CCDC80: variants seen among roughly 807,000 people sequenced by gnomAD.
CCDC80 encodes coiled-coil domain containing 80.
CCDC80 carries 49 observed loss-of-function variants against 78.7 expected under a neutral mutation model. The observed-to-expected ratio is 0.62, with a 90% confidence interval of 0.50 to 0.79. The LOEUF is 0.79. CCDC80 is among the 30% of genes least tolerant of loss of function. The pLI is 0.00. For missense variants in CCDC80, 1,205 were observed against 1,198.6 expected, an observed-to-expected ratio of 1.01 and a Z score of -0.08; for synonymous variants, 488 against 447.0, an observed-to-expected ratio of 1.09 and a Z score of -1.16.
intron 5 of CCDC80, among the ~76,000 whole-genome samples, chr3:112,615,688 C>T (rs1325601901): frequency 6.6e-6 from 1 of 152,098 alleles, no homozygotes; most frequent in Admixed American, 6.6e-5. Context: ...GTCATAAAGA[C>T]CTTGCTGATA....
At position 112,638,839 on chromosome 3, in the gene CCDC80, G is replaced by A; in HGVS notation, c.1067C>T (p.Ala356Val). The change falls in exon 2 of 8, where the codon GCC becomes GTC. Residue 356 changes from alanine to valine, a missense_variant. Coordinates refer to ENST00000206423, the MANE Select transcript of CCDC80 (RefSeq NM_199511.3). The stretch of plus-strand genomic sequence containing the variant: ...GGACCGAGTCACTGTTGTGGCTGGG[G>A]CAGGAGGAAGGGTGGTGGCTCTGGG... ...STPRATTLPP[A>V]PATTVTRSTS... The A allele has an allele frequency of 6.2e-7, 1 of 1,613,822 alleles. No homozygotes were observed. The highest frequency in any genetic ancestry group is 8.5e-7 in the Non-Finnish European group (1 of 1,180,016).
intron 2 of CCDC80, among the ~76,000 whole-genome samples, chr3:112,632,499 T>C (rs889968688): frequency 6.6e-6 from 1 of 152,188 alleles, no homozygotes; most frequent in Non-Finnish European, 1.5e-5. Context: ...ATTCATACCA[T>C]ACTTTGCCAT....
chr3:112,612,102 G>T (rs937843150), intron 5 of CCDC80, among the ~76,000 whole-genome samples: 4 of 150,304 alleles, frequency 2.7e-5, no homozygotes, highest in African/African-American at 9.8e-5. Context: ...TGAGGACAGG[G>T]AGCTGAATGT....
chr3:112,638,639 G>C lies in CCDC80; in HGVS notation c.1267C>G (p.His423Asp). ...CTGGTTGTCTGTGGCCTCTCCCTGT[G>C]CTGATCCTTCCGGGATGGAGGGTAA... ...NLYPPSRKDQ[H>D]RERPQTTRRP... is the part of the protein sequence containing the mutation. The change falls in exon 2 of 8, where the codon CAC (histidine) becomes GAC (aspartate). Residue 423 changes from histidine (H) to aspartate (D), a missense_variant. By Grantham distance (81) the His-to-Asp change is moderately conservative. Transcript: ENST00000206423. 1 of 1,614,042 alleles carries C rather than the reference G, an allele frequency of 6.2e-7. No homozygotes were observed. Among genetic ancestry groups the C allele is most frequent in the Non-Finnish European group, 8.5e-7 (1 of 1,180,016 alleles).
At chr3:112,609,268 A>G (rs933695517) in intron 6 of CCDC80, among the ~76,000 whole-genome samples, 1 of 152,180 alleles carries the variant, frequency 6.6e-6, no homozygotes, top group African/African-American at 2.4e-5. Context: ...CCATATCCAA[A>G]ATGACATTAG....
chr3:112,610,445 T>G (rs1470145448), intron 5 of CCDC80, among the ~76,000 whole-genome samples: 1 of 152,220 alleles, frequency 6.6e-6, no homozygotes, highest in African/African-American at 2.4e-5. Context: ...AGAGGACAAC[T>G]GAAGAGAACT....
At chr3:112,615,722 A>G (rs983746620) in intron 5 of CCDC80, among the ~76,000 whole-genome samples, 7 of 152,176 alleles carry the variant, frequency 4.6e-5, no homozygotes, top group South Asian at 2.1e-4. Context: ...TAAAGGGGCC[A>G]GCCAAAATCC....
chr3:112,617,249 T>C (rs912764578), intron 4 of CCDC80, among the ~76,000 whole-genome samples: 10 of 152,218 alleles, frequency 6.6e-5, no homozygotes, highest in Non-Finnish European at 1.2e-4. Context: ...CATGTTCAAG[T>C]GTGTAACCTG....
chr3:112,616,392 T>G (rs1157995327), intron 5 of CCDC80, among the ~76,000 whole-genome samples: 1 of 150,116 alleles, frequency 6.7e-6, no homozygotes, highest in Admixed American at 6.7e-5. Context: ...TAAATTAACT[T>G]TCTTGGGAGG....
chr3:112,638,708 T>G lies in CCDC80; in HGVS notation c.1198A>C (p.Thr400Pro). Residue 400 changes from threonine (T) to proline (P), a missense_variant, in exon 2 of 8, where the codon ACT (threonine) becomes CCT (proline). Transcript: ENST00000206423. ...PSPSHRPPTT[T>P]EVITARRPSV... ...GGTCTCCTGGCAGTGATCACCTCAGTGGTTGTAGGGGGCCTGTGGGAGGGT... is the reference window on the plus strand; with the variant it reads ...GGTCTCCTGGCAGTGATCACCTCAGGGGTTGTAGGGGGCCTGTGGGAGGGT... 1 of 1,613,620 alleles carries G rather than the reference T, an allele frequency of 6.2e-7. No individual in the cohort carries two copies. The highest frequency in any genetic ancestry group is 8.5e-7 in the Non-Finnish European group (1 of 1,179,884).
rs1935347728 is a variant in CCDC80 at position 112,600,055 on chromosome 3, T to C, written c.*5362A>G. The C allele has an allele frequency of 6.6e-6, 1 of 152,228 alleles. No individual in the cohort carries two copies. Among genetic ancestry groups the C allele is most frequent in the Non-Finnish European group, 1.5e-5 (1 of 68,050 alleles). 9.4% of individuals were successfully genotyped at this position (152,228 alleles called of 1,614,324 possible). ...GTAAGAAACGTTTGGGAAGAAATGC[T>C]TTTATGGAGAAACTACTCAGATTTG... On this transcript the variant is annotated 3_prime_UTR_variant, in exon 8 of 8. Coordinates refer to ENST00000206423, the MANE Select transcript of CCDC80 (RefSeq NM_199511.3).
Position 112,638,967 on chromosome 3 carries a change from C to T in CCDC80, c.939G>A (p.Glu313=), listed in dbSNP as rs745514082. 12 of 1,612,610 alleles carry T rather than the reference C, an allele frequency of 7.4e-6. No individual in the cohort carries two copies. The highest frequency in any genetic ancestry group is 9.3e-6 in the Non-Finnish European group (11 of 1,180,014). ...GTGGGACTTGTGCTCTCCTTGGGTCCTCTTTCTTCTTCTCGCTGCCCAGGC... is the reference window on the plus strand; with the variant it reads ...GTGGGACTTGTGCTCTCCTTGGGTCTTCTTTCTTCTTCTCGCTGCCCAGGC... ...RPSLGSEKKK[E]DPRRAQVPPT... The change falls in exon 2 of 8, where the codon GAG becomes GAA. Residue 313 remains glutamate (E), a synonymous_variant. Coordinates refer to ENST00000206423, the MANE Select transcript of CCDC80 (RefSeq NM_199511.3).
chr3:112,610,815 G>C (rs1935607111), intron 5 of CCDC80, among the ~76,000 whole-genome samples: 1 of 152,016 alleles, frequency 6.6e-6, no homozygotes, highest in Non-Finnish European at 1.5e-5. Context: ...CAACACAGTA[G>C]AGTAGCAGAA....
intron 2 of CCDC80, 104 bp from the exon 3 acceptor site, chr3:112,630,373 A>T (rs1469939131): frequency 2.8e-6 from 3 of 1,086,294 alleles, no homozygotes; most frequent in Non-Finnish European, 4.1e-6. Context: ...TAGTGACTGC[A>T]TCTAAGCTAC....
chr3:112,613,443 G>GT (rs1019191679), intron 5 of CCDC80, among the ~76,000 whole-genome samples: 1 of 152,060 alleles, frequency 6.6e-6, no homozygotes, highest in African/African-American at 2.4e-5. Flanking sequence ...ATTTACATAT[G>GT]TTAGGACCCC....
chr3:112,607,062 G>A (rs546369021), intron 7 of CCDC80, 114 bp downstream of exon 7: 9 of 698,968 alleles, frequency 1.3e-5, no homozygotes, highest in East Asian at 8.4e-5. Flanking sequence ...AGTGGGAGGA[G>A]GATTCAATGA....
intron 6 of CCDC80, among the ~76,000 whole-genome samples, chr3:112,609,106 C>T (rs1935571877): frequency 6.8e-6 from 1 of 147,520 alleles, no homozygotes; most frequent in African/African-American, 2.7e-5. Flanking sequence ...TGCCCCTGCC[C>T]AGTGAATCTC....
chr3:112,639,265 AG>A lies in CCDC80; in HGVS notation c.640del (p.Leu214TrpfsTer9), dbSNP rs1244237591. On this transcript the variant is annotated frameshift_variant, in exon 2 of 8. Coordinates refer to ENST00000206423, the MANE Select transcript of CCDC80 (RefSeq NM_199511.3). LOFTEE classifies it high-confidence loss of function. ...TSEGQILEQPLDPSLIPKLMS... is the reference protein window; with the variant it reads ...TSEGQILEQPXDPSLIPKLMS... ...CAGCTTAGGGATGAGGCTAGGGTCC[AG>A]GGGCTGCTCCAGGATCTGGCCCTCG... 3.1e-6 allele frequency: 5 copies of A among 1,614,176 alleles called. No homozygotes were observed. The highest frequency in any genetic ancestry group is 3.4e-6 in the Non-Finnish European group (4 of 1,180,022).
intron 3 of CCDC80, among the ~76,000 whole-genome samples, chr3:112,620,787 C>G (rs905762621): frequency 2.0e-5 from 3 of 152,172 alleles, no homozygotes; most frequent in Non-Finnish European, 4.4e-5. Context: ...TGTTCTGATT[C>G]TAAGACTTTA....
Sources: allele counts gnomAD v4.1 joint callset (sites outside exome capture counted in the v4.1 genomes callset), GRCh38; gene constraint gnomAD v4.1.1; transcripts MANE v1.5; gene names NCBI Gene and HGNC (gene_info 2026-07-23, HGNC 2026-07-21).